ANK1: variants seen among roughly 807,000 people sequenced by gnomAD.
ANK1 encodes the protein ankyrin-1.
A neutral mutation model predicts 210.4 loss-of-function variants in ANK1; 51 were observed. That is an observed-to-expected ratio of 0.24 (90% CI 0.19 to 0.31). ANK1 has a LOEUF of 0.31. Among genes scored for constraint, ANK1 ranks in the 10% least tolerant of loss-of-function variants. The pLI is 1.00. For missense variants in ANK1, 2,051 were observed against 2,504.4 expected, an observed-to-expected ratio of 0.82 and a Z score of 3.86; for synonymous variants, 967 against 1,025.9, an observed-to-expected ratio of 0.94 and a Z score of 1.10.
chr8:41,758,282 G>C, intron 1 of ANK1, 145 bp from the exon 2 acceptor site: 1 of 772,778 alleles, frequency 1.3e-6, no homozygotes, highest in East Asian at 2.5e-5. Flanking sequence ...GTGCACAGGA[G>C]CCTGAGAGCC....
chr8:41,811,394 A>C lies in ANK1; in HGVS notation c.127-53257T>G, dbSNP rs542161684. ...GAAGCAAGATGGAGTCAGTCACGTT[A>C]GCTTTCTCTCATTACTTAGAATTCT... On this transcript the variant is annotated intron_variant, in intron 1 of 42. Coordinates refer to the ANK1 transcript ENST00000265709. Among the ~76,000 whole-genome samples the C allele has an allele frequency of 5.6e-4, 86 of 152,358 alleles. 1 individual carries two copies. The highest frequency in any genetic ancestry group is 2.0e-3 in the African/African-American group (85 of 41,584).
chr8:41,657,594 A>G (rs1208370026), intron 42 of ANK1, among the ~76,000 whole-genome samples: 5 of 152,218 alleles, frequency 3.3e-5, no homozygotes, highest in Non-Finnish European at 4.4e-5. Context: ...TCCTCAAATA[A>G]GAGACCATCA....
intron 1 of ANK1, among the ~76,000 whole-genome samples, chr8:41,860,113 AGGAAACCACTGGGGTGGGGGCT>A (rs1249804970): frequency 6.6e-6 from 1 of 152,354 alleles, no homozygotes; most frequent in African/African-American, 2.4e-5. Context: ...GGCATAAAAG[AGGAAACCACTGGGGTGGGGGCT>A]GGAGGGGGAG....
Position 41,724,423 on chromosome 8 carries a change from C to T in ANK1, c.711+33G>A, listed in dbSNP as rs115806956. ...GGAGCAACTGCCAGCCCCAAGCCCC[C>T]GGACAGTGAGGGCGCACGTGCCCCA... is the stretch of plus-strand genomic sequence containing the variant. On this transcript the variant is annotated intron_variant, in intron 7 of 42. Transcript: ENST00000289734. 2,625 of 1,530,456 alleles carry T rather than the reference C, an allele frequency of 1.7e-3. 20 individuals carry two copies. The African/African-American group carries it at 0.022, about 13-fold the overall frequency. The allele number at this position is 1,530,456 out of a possible 1,614,324, so 94.8% of individuals were successfully genotyped here.
intron 37 of ANK1, among the ~76,000 whole-genome samples, chr8:41,676,872 C>G (rs1814329322): frequency 6.6e-6 from 1 of 152,148 alleles, no homozygotes; most frequent in African/African-American, 2.4e-5. Context: ...GTAATGCTGG[C>G]CTCATAAACT....
intron 2 of ANK1, among the ~76,000 whole-genome samples, chr8:41,742,337 T>C (rs1212699974): frequency 2.0e-5 from 3 of 152,246 alleles, no homozygotes; most frequent in Non-Finnish European, 4.4e-5. Context: ...TAGAAAGGCC[T>C]TGGTGTCTCT....
At chr8:41,832,985 G>T (rs1029938787) in intron 1 of ANK1, among the ~76,000 whole-genome samples, 2 of 152,166 alleles carry the variant, frequency 1.3e-5, no homozygotes, top group Admixed American at 6.5e-5. Flanking sequence ...CAAGACACCT[G>T]CCCCAAAACA....
intron 31 of ANK1, 46 bp downstream of exon 31, chr8:41,692,602 G>A (rs1489644335): frequency 6.4e-7 from 1 of 1,567,966 alleles, no homozygotes; most frequent in Admixed American, 1.7e-5. Context: ...GGAGAAAACG[G>A]CAGGACGGTT....
intron 1 of ANK1, among the ~76,000 whole-genome samples, chr8:41,863,202 C>T (rs1344924591): frequency 1.3e-5 from 2 of 151,388 alleles, no homozygotes; most frequent in Non-Finnish European, 2.9e-5. Context: ...ACTAAAAATA[C>T]AAAAAAATTA....
chr8:41,657,099 C>T (rs960677746), intron 42 of ANK1, among the ~76,000 whole-genome samples: 9 of 152,202 alleles, frequency 5.9e-5, no homozygotes, highest in African/African-American at 2.2e-4. Context: ...GCCCTCAACA[C>T]CTCCACCCCA....
intron 2 of ANK1, among the ~76,000 whole-genome samples, chr8:41,750,289 C>A (rs1451932001): frequency 6.6e-6 from 1 of 152,190 alleles, no homozygotes; most frequent in Non-Finnish European, 1.5e-5. Context: ...GTTTCACGTG[C>A]TTTCCTGGGC....
chr8:41,805,570 G>A (rs1441679520), intron 1 of ANK1, among the ~76,000 whole-genome samples: 1 of 151,972 alleles, frequency 6.6e-6, no homozygotes, highest in Admixed American at 6.6e-5. Flanking sequence ...TCTTAAATGT[G>A]ACTTATATCT....
chr8:41,711,218 A>T (rs930953708), intron 16 of ANK1, among the ~76,000 whole-genome samples: 1 of 152,234 alleles, frequency 6.6e-6, no homozygotes, highest in Non-Finnish European at 1.5e-5. Flanking sequence ...CCCCACGATT[A>T]GACACGGAGC....
At chr8:41,805,239 GTCTCTT>G (rs1260822260) in intron 1 of ANK1, among the ~76,000 whole-genome samples, 4 of 138,098 alleles carry the variant, frequency 2.9e-5, no homozygotes, top group Non-Finnish European at 6.3e-5. Context: ...CTCTCTCTTT[GTCTCTT>G]TCTCTCTCTC....
At chr8:41,868,934 C>T (rs753722763) in intron 1 of ANK1, among the ~76,000 whole-genome samples, 2 of 152,256 alleles carry the variant, frequency 1.3e-5, no homozygotes, top group East Asian at 3.9e-4. Flanking sequence ...AATGCGAACA[C>T]CCAGGGTTCC....
intron 1 of ANK1, among the ~76,000 whole-genome samples, chr8:41,780,333 A>T (rs895427647): frequency 1.2e-4 from 18 of 152,290 alleles, no homozygotes; most frequent in Admixed American, 1.0e-3. Context: ...CCTCTTCTTG[A>T]TTTTTGACCA....
chr8:41,753,050 G>A (rs2150705349), intron 2 of ANK1, among the ~76,000 whole-genome samples: 1 of 147,728 alleles, frequency 6.8e-6, no homozygotes, highest in South Asian at 2.2e-4. Context: ...AGTGGCCACT[G>A]CCGCAGGCTC....
chr8:41,775,804 T>C (rs985994546), intron 1 of ANK1, among the ~76,000 whole-genome samples: 3 of 152,144 alleles, frequency 2.0e-5, no homozygotes, highest in African/African-American at 7.2e-5. Flanking sequence ...GGAGAATCGC[T>C]TGAGGCCAGA....
In ANK1 at chr8:41,701,841, C is replaced by G. The variant is rs533687597; in HGVS notation, c.2388+211G>C. Among the ~76,000 whole-genome samples the G allele has an allele frequency of 3.6e-3, 549 of 152,336 alleles. 4 individuals are homozygous for G. Among genetic ancestry groups the G allele is most frequent in the Non-Finnish European group, 5.2e-3 (357 of 68,028 alleles). ...CCAAACCCCATCCACTCCACTGCTG[C>G]CCGGAAAGCTGGTCCCGCCCCTAGT... is the stretch of plus-strand genomic sequence containing the variant. On this transcript the variant is annotated intron_variant, in intron 21 of 42. Coordinates refer to ENST00000289734, the MANE Select transcript of ANK1 (RefSeq NM_000037.4).
Sources: gnomAD v4.1 joint callset for allele counts (sites outside exome capture counted in the v4.1 genomes callset) on GRCh38, gnomAD v4.1.1 for gene constraint, MANE v1.5 for transcripts, NCBI Gene and HGNC (gene_info 2026-07-23, HGNC 2026-07-21) for gene names.